Variants in TMEM183A observed in about 807,000 individuals in gnomAD.
TMEM183A encodes transmembrane protein 183A, also known as chromosome 1 open reading frame 37.
In TMEM183A, 21 loss-of-function variants were observed where a neutral mutation model predicts 46.7. The observed-to-expected ratio is 0.45, with a 90% CI of 0.32 to 0.65. The LOEUF (loss-of-function observed/expected upper bound fraction) is 0.65. Ranked by LOEUF, TMEM183A falls within the 30% of genes least tolerant of loss-of-function variation. The probability of loss-of-function intolerance (pLI) is 0.04; values close to 1 mark genes in which losing one functional copy is unlikely to be tolerated. For synonymous variants in TMEM183A, 165 were observed against 180.2 expected, an observed-to-expected ratio of 0.92 and a Z score of 0.68; for missense variants, 331 against 481.9, an observed-to-expected ratio of 0.69 and a Z score of 2.93.
chr1:203,012,235 T>TCACACACACAGA (rs1656715776), intron 3 of TMEM183A, among the ~76,000 whole-genome samples: 2 of 80,790 alleles, frequency 2.5e-5, no homozygotes, highest in African/African-American at 9.7e-5. Flanking sequence ...CCCCACTCCA[T>TCACACACACAGA]CACACACACA....
In TMEM183A at chr1:203,007,802, T is replaced by A; in HGVS notation, c.138T>A (p.Asp46Glu). 1.9e-6 allele frequency: 3 copies of A among 1,613,990 alleles called. No individual in the cohort carries two copies. Among genetic ancestry groups the A allele is most frequent in the Non-Finnish European group, 2.5e-6 (3 of 1,179,872 alleles). ...CCGTGGCGGATTACGCCAACTCGGA[T>A]CCGGCGGTCGTGAGGTCTGGACGAG... is the stretch of plus-strand genomic sequence containing the variant. ...RVTVADYANS[D>E]PAVVRSGRVK... is the part of the protein sequence containing the mutation. Residue 46 changes from aspartate to glutamate, a missense_variant, in exon 2 of 8, where the codon GAT becomes GAA. Transcript: ENST00000367242.
At position 203,020,837 on chromosome 1, in the gene TMEM183A, C is replaced by T. The variant is rs145911054; in HGVS notation, c.834C>T (p.Pro278=). 202 of 1,613,890 alleles carry T rather than the reference C, an allele frequency of 1.3e-4. No homozygotes were observed. Among genetic ancestry groups the T allele is most frequent in the East Asian group, 1.8e-4 (8 of 44,884 alleles). The part of the protein sequence containing the change: ...KSKCTGGLQP[P]VQYEDVHTNP... The stretch of plus-strand genomic sequence containing the variant: ...AGTGTACAGGAGGATTGCAGCCTCC[C>T]GTTCAGTACGAAGATGTTCATACCA... The change falls in exon 7 of 8, where the codon CCC becomes CCT. Residue 278 remains proline, a synonymous_variant. Coordinates refer to ENST00000367242, the MANE Select transcript of TMEM183A (RefSeq NM_138391.6).
chr1:203,009,653 T>A (rs1479119026), intron 3 of TMEM183A, among the ~76,000 whole-genome samples: 1 of 152,096 alleles, frequency 6.6e-6, no homozygotes, highest in African/African-American at 2.4e-5. Context: ...TGCTAATTTT[T>A]TCTATTTTTT....
chr1:203,012,235 TCACACA>T (rs56743654), intron 3 of TMEM183A, among the ~76,000 whole-genome samples: 2,164 of 80,826 alleles, frequency 0.027, 67 homozygotes, highest in Middle Eastern at 0.054. Context: ...CCCCACTCCA[TCACACA>T]CACACACACA....
intron 1 of TMEM183A, 85 bp from the exon 2 acceptor site, chr1:203,007,689 G>C: frequency 6.3e-7 from 1 of 1,580,492 alleles, no homozygotes; most frequent in Non-Finnish European, 8.6e-7. Context: ...GCTCGGTCCG[G>C]GGGCCTGCAG....
chr1:203,012,477 C>T (rs1000647857), intron 3 of TMEM183A, among the ~76,000 whole-genome samples: 1 of 152,198 alleles, frequency 6.6e-6, no homozygotes, highest in African/African-American at 2.4e-5. Context: ...TTAGCACTTA[C>T]TTGACATGCT....
At chr1:203,010,937 G>C (rs1447321834) in intron 3 of TMEM183A, among the ~76,000 whole-genome samples, 1 of 152,114 alleles carries the variant, frequency 6.6e-6, no homozygotes, top group Non-Finnish European at 1.5e-5. Context: ...TCATGTAAAT[G>C]GAATCATACA....
rs56743654 is a variant in TMEM183A at position 203,012,235 on chromosome 1, TCACACACACACACACACACA to T, written c.368-2630_368-2611del. Among the ~76,000 whole-genome samples, 324 of 80,834 alleles carry T rather than the reference TCACACACACACACACACACA, an allele frequency of 4.0e-3. 4 individuals are homozygous for T. The highest frequency in any genetic ancestry group is 0.015 in the African/African-American group (306 of 20,726). 53.0% of individuals were successfully genotyped at this position (80,834 alleles called of 152,430 possible). A position where few individuals can be genotyped will look rare whatever the true frequency, so the allele number is the denominator to read the frequency against. ...ACTTCAACCATTACTCCCCACTCCA[TCACACACACACACACACACA>T]CACACACACACACACACACACACGG... On this transcript the variant is annotated intron_variant, in intron 3 of 7. Transcript: ENST00000367242.
At position 203,008,807 on chromosome 1, in the gene TMEM183A, A is replaced by G; in HGVS notation, c.364A>G (p.Lys122Glu). 1 of 1,605,082 alleles carries G rather than the reference A, an allele frequency of 6.2e-7. No individual in the cohort carries two copies. The highest frequency in any genetic ancestry group is 1.7e-5 in the Admixed American group (1 of 58,408). ...CAGAAAAAAGAAAAGCAAGAGACAC[A>G]AAGGTATGGAGCTTGTTCTCTTTTG... is the stretch of plus-strand genomic sequence containing the variant. ...VSRKKKSKRH[K>E]EELDGAGGEE... Residue 122 changes from lysine to glutamate, a missense_variant, in exon 3 of 8, where the codon AAA becomes GAA. Lys to Glu is a moderately conservative substitution (Grantham distance 56). Transcript: ENST00000367242.
chr1:203,018,363 C>G (rs571939356), intron 5 of TMEM183A, 118 bp from the exon 6 acceptor site: 22 of 1,160,106 alleles, frequency 1.9e-5, no homozygotes, highest in Non-Finnish European at 2.7e-5. Context: ...GCATTGGGAC[C>G]GTGGCTGGCT....
chr1:203,009,592 C>T (rs140103930), intron 3 of TMEM183A, among the ~76,000 whole-genome samples: 244 of 152,244 alleles, frequency 1.6e-3, no homozygotes, highest in African/African-American at 5.6e-3. Context: ...AGCGATCCCC[C>T]CATCTTAGCC....
intron 3 of TMEM183A, among the ~76,000 whole-genome samples, chr1:203,014,436 C>G (rs1475582096): frequency 6.6e-6 from 1 of 152,110 alleles, no homozygotes; most frequent in Non-Finnish European, 1.5e-5. Context: ...AACCCCATCC[C>G]TACTAAAAAT....
intron 5 of TMEM183A, among the ~76,000 whole-genome samples, chr1:203,017,292 G>A (rs1477731562): frequency 6.6e-6 from 1 of 152,094 alleles, no homozygotes; most frequent in Non-Finnish European, 1.5e-5. Flanking sequence ...CAGATTAACT[G>A]TGGTGAGCAT....
intron 6 of TMEM183A, among the ~76,000 whole-genome samples, chr1:203,019,659 T>C (rs533380752): frequency 7.2e-5 from 11 of 152,240 alleles, no homozygotes; most frequent in Non-Finnish European, 1.5e-4. Flanking sequence ...AAGCTTTCAT[T>C]GTGGAAGGAG....
At position 203,022,939 on chromosome 1, in the gene TMEM183A, C is replaced by G. The variant is rs1416982306; in HGVS notation, c.1030C>G (p.Leu344Val). Residue 344 changes from leucine to valine, a missense_variant, in exon 8 of 8, where the codon CTG becomes GTG. Leu to Val is a conservative substitution (Grantham distance 32). This residue lies in a region of TMEM183A where 233 missense variants were observed against 385.8 expected (regional missense o/e 0.60). Transcript: ENST00000367242. ...TTCCCCTGTCCATGGTGGTCGGAAA[C>G]TGCGCAGTGAACAGGGTGTGCAAGT... ...QDSPVHGGRKLRSEQGVQVIL... is the reference protein window; with the variant it reads ...QDSPVHGGRKVRSEQGVQVIL... 6.2e-7 allele frequency: 1 copy of G among 1,613,090 alleles called. No individual in the cohort carries two copies. The highest frequency in any genetic ancestry group is 2.2e-5 in the East Asian group (1 of 44,856).
rs778925002 is a variant in TMEM183A, at chr1:203,008,717, G to A, written c.274G>A (p.Asp92Asn). The A allele has an allele frequency of 1.9e-6, 3 of 1,609,912 alleles. No individual in the cohort carries two copies. Among genetic ancestry groups the A allele is most frequent in the Non-Finnish European group, 1.7e-6 (2 of 1,178,096 alleles). ...EALSGAGEPCDIIDSSDEMDA... is the reference protein window; with the variant it reads ...EALSGAGEPCNIIDSSDEMDA... ...TCTTTCTGGGGCTGGTGAGCCCTGT[G>A]ACATCATCGACAGCAGTGATGAGAT... Residue 92 changes from aspartate (D) to asparagine (N), a missense_variant, in exon 3 of 8, where the codon GAC (aspartate) becomes AAC (asparagine). Asp to Asn is a conservative substitution (Grantham distance 23). This residue lies in a region of TMEM183A where 233 missense variants were observed against 385.8 expected (regional missense o/e 0.60). Coordinates refer to ENST00000367242, the MANE Select transcript of TMEM183A (RefSeq NM_138391.6).
intron 7 of TMEM183A, 34 bp downstream of exon 7, chr1:203,020,982 CTTTTT>C (rs71142585): frequency 1.6e-3 from 2,015 of 1,227,344 alleles, no homozygotes; most frequent in Middle Eastern, 3.2e-3. Context: ...TTCTCAGCTC[CTTTTT>C]TTTTTTTTTT....
Position 203,008,866 on chromosome 1 carries a change from G to A in TMEM183A, c.367+56G>A, listed in dbSNP as rs112711426. 3.9e-3 allele frequency: 5,638 copies of A among 1,464,416 alleles called. 181 individuals carry two copies. In the African/African-American group the frequency reaches 0.066, roughly 17 times the overall value. 90.7% of individuals were successfully genotyped at this position (1,464,416 alleles called of 1,614,324 possible). A position where few individuals can be genotyped will look rare whatever the true frequency, so the allele number is the denominator to read the frequency against. On this transcript the variant is annotated intron_variant, in intron 3 of 7. Coordinates refer to ENST00000367242, the MANE Select transcript of TMEM183A (RefSeq NM_138391.6). ...GACCTGCCTGTGGTGACAAATTGAA[G>A]ATGTTACTTTCCCAGTAGCACAGGA...
At chr1:203,014,798 A>G in intron 3 of TMEM183A, 91 bp from the exon 4 acceptor site, 3 of 1,521,466 alleles carry the variant, frequency 2.0e-6, no homozygotes, top group Non-Finnish European at 2.7e-6. Context: ...CATTTTCTTA[A>G]CTGTGCAATC....
Sources: gnomAD v4.1 joint callset for allele counts (sites outside exome capture counted in the v4.1 genomes callset) on GRCh38, gnomAD v4.1.1 for gene constraint, gnomAD v4.1.1 regional missense constraint, MANE v1.5 for transcripts, NCBI Gene and HGNC (gene_info 2026-07-23, HGNC 2026-07-21) for gene names.